Variants in EFCAB8 observed in about 807,000 individuals in gnomAD.
EFCAB8 encodes EF-hand calcium-binding domain-containing protein 8.
In EFCAB8, 100 loss-of-function variants were observed where a neutral mutation model predicts 116.3. That is an observed-to-expected ratio of 0.86 (90% CI 0.73 to 1.02). EFCAB8 has a LOEUF of 1.02. Ranked by LOEUF, EFCAB8 falls within the 50% of genes least tolerant of loss-of-function variation. The pLI is 0.00. For missense variants in EFCAB8, 1,320 were observed against 1,416.9 expected (o/e 0.93, Z 1.10); for synonymous variants, 558 against 567.9 (o/e 0.98, Z 0.25).
intron 24 of EFCAB8, among the ~76,000 whole-genome samples, chr20:32,959,067 A>G (rs2146307529): frequency 6.6e-6 from 1 of 152,322 alleles, no homozygotes; most frequent in Admixed American, 6.5e-5. Flanking sequence ...CCAAGTCTCC[A>G]GTAATTCTGG....
Position 32,889,353 on chromosome 20 carries a change from T to C in EFCAB8, c.620T>C (p.Val207Ala), listed in dbSNP as rs1328411246. Reference protein sequence around the residue: ...YNQPMWVIDMVCLHNMNLVAV... With the variant: ...YNQPMWVIDMACLHNMNLVAV... Reference sequence around the variant, plus strand: ...CAGCCGATGTGGGTCATTGACATGGTATGTCTGCACAATATGAACCTCGTT... The same window carrying C: ...CAGCCGATGTGGGTCATTGACATGGCATGTCTGCACAATATGAACCTCGTT... Residue 207 changes from valine (V) to alanine (A), a missense_variant, in exon 7 of 27, where the codon GTA becomes GCA. By Grantham distance (64) the Val-to-Ala change is moderately conservative (BLOSUM62 0). Transcript: ENST00000400522. 3 of 1,551,846 alleles carry C rather than the reference T, an allele frequency of 1.9e-6. No individual in the cohort carries two copies. The highest frequency in any genetic ancestry group is 2.6e-6 in the Non-Finnish European group (3 of 1,147,032).
intron 20 of EFCAB8, among the ~76,000 whole-genome samples, chr20:32,921,393 T>TGTGTGTGTG (rs752656858): frequency 3.1e-4 from 33 of 107,456 alleles, no homozygotes; most frequent in Non-Finnish European, 3.4e-4. Context: ...GTGTGTGTGT[T>TGTGTGTGTG]TTTGTAGAGA....
intron 5 of EFCAB8, among the ~76,000 whole-genome samples, chr20:32,880,286 T>G (rs1985259257): frequency 6.6e-6 from 1 of 151,076 alleles, no homozygotes; most frequent in Non-Finnish European, 1.5e-5. Flanking sequence ...TTTTTTTTTT[T>G]GAGACAGAGT....
intron 23 of EFCAB8, among the ~76,000 whole-genome samples, chr20:32,945,436 G>T (rs1988563089): frequency 6.6e-6 from 1 of 152,184 alleles, no homozygotes; most frequent in Non-Finnish European, 1.5e-5. Flanking sequence ...GATTATAGGT[G>T]TGGGCCACCA....
At chr20:32,865,077 G>C (rs1296675103) in intron 2 of EFCAB8, among the ~76,000 whole-genome samples, 1 of 152,120 alleles carries the variant, frequency 6.6e-6, no homozygotes, top group East Asian at 1.9e-4. Flanking sequence ...AGAGCTCTGG[G>C]GCTCTGCAGC....
chr20:32,914,278 A>G (rs1361166817), intron 17 of EFCAB8, among the ~76,000 whole-genome samples: 1 of 152,164 alleles, frequency 6.6e-6, no homozygotes, highest in South Asian at 2.1e-4. Context: ...ACTGGTGGCC[A>G]TTCCCTTGAA....
At chr20:32,912,212 G>T (rs1318705959) in intron 16 of EFCAB8, among the ~76,000 whole-genome samples, 1 of 151,984 alleles carries the variant, frequency 6.6e-6, no homozygotes, top group Non-Finnish European at 1.5e-5. Flanking sequence ...CGAGGCAGGG[G>T]GATCACCTGA....
rs71190881 is a variant in EFCAB8, at chr20:32,860,493, C to CTTTTTTTTTTT, written c.-11+1508_-11+1518dup. On this transcript the variant is annotated intron_variant, in intron 1 of 26. Coordinates refer to ENST00000400522, the MANE Select transcript of EFCAB8 (RefSeq NM_001143967.2). ...TTTGTTCCATCGCTGATGGTGGTAA[C>CTTTTTTTTTTT]TTTTTTTTTTTTTTTTTTTTTTTTT... is the stretch of plus-strand genomic sequence containing the variant. Among the ~76,000 whole-genome samples, 18 of 83,990 alleles carry CTTTTTTTTTTT rather than the reference C, an allele frequency of 2.1e-4. 2 individuals are homozygous for CTTTTTTTTTTT. Among genetic ancestry groups the CTTTTTTTTTTT allele is most frequent in the African/African-American group, 1.3e-3 (17 of 12,798 alleles). 55.1% of individuals were successfully genotyped at this position (83,990 alleles called of 152,430 possible). A position where few individuals can be genotyped will look rare whatever the true frequency, so the allele number is the denominator to read the frequency against.
At chr20:32,862,380 G>A (rs1568893559) in intron 1 of EFCAB8, among the ~76,000 whole-genome samples, 4 of 151,814 alleles carry the variant, frequency 2.6e-5, no homozygotes, top group African/African-American at 7.3e-5. Context: ...CTCCCGCCTC[G>A]GCCTATTTTT....
chr20:32,956,959 AT>A (rs139915548), intron 23 of EFCAB8, among the ~76,000 whole-genome samples: 10,445 of 98,132 alleles, frequency 0.11, 326 homozygotes, highest in African/African-American at 0.15. Context: ...TTTTTTTTTC[AT>A]TTTTTTTCAA....
At chr20:32,934,772 G>A (rs1041595641) in intron 22 of EFCAB8, among the ~76,000 whole-genome samples, 2 of 152,150 alleles carry the variant, frequency 1.3e-5, no homozygotes, top group Non-Finnish European at 1.5e-5. Flanking sequence ...CATGTAAGAC[G>A]TGCCTTTGCT....
intron 20 of EFCAB8, among the ~76,000 whole-genome samples, chr20:32,927,261 C>A (rs578012467): frequency 6.6e-6 from 1 of 152,276 alleles, no homozygotes; most frequent in African/African-American, 2.4e-5. Flanking sequence ...TAGCCTTGAG[C>A]TTCATGAACT....
chr20:32,931,237 G>A lies in EFCAB8; in HGVS notation c.2691G>A (p.Gly897=), dbSNP rs914240312. The change falls in exon 22 of 27, where the codon GGG becomes GGA. Residue 897 remains glycine (G), a synonymous_variant. Transcript: ENST00000400522. ...ATAAACAGCCATTCCAATCCAGTGG[G>A]GCCAAGGTTGTCTCTGAAGCACACA... The part of the protein sequence containing the change: ...LIDKQPFQSS[G]AKVVSEAHNK... The A allele has an allele frequency of 3.9e-6, 6 of 1,551,140 alleles. No homozygotes were observed. The highest frequency in any genetic ancestry group is 5.2e-6 in the Non-Finnish European group (6 of 1,146,852).
chr20:32,918,838 G>T (rs778901977), intron 19 of EFCAB8, among the ~76,000 whole-genome samples: 19 of 152,254 alleles, frequency 1.2e-4, no homozygotes, highest in Admixed American at 3.9e-4. Context: ...TGAAAGGCAG[G>T]ACCCAAAGAG....
intron 23 of EFCAB8, among the ~76,000 whole-genome samples, chr20:32,948,795 G>A (rs1240545889): frequency 6.6e-6 from 1 of 152,090 alleles, no homozygotes; most frequent in Non-Finnish European, 1.5e-5. Context: ...AAAATCATTT[G>A]ACAAAATTCA....
At chr20:32,895,260 T>G (rs1048901989) in intron 9 of EFCAB8, among the ~76,000 whole-genome samples, 5 of 152,000 alleles carry the variant, frequency 3.3e-5, no homozygotes, top group African/African-American at 1.2e-4. Context: ...CCATGAGGGC[T>G]GCACCTGGCT....
chr20:32,933,072 C>T (rs980382983), intron 22 of EFCAB8, among the ~76,000 whole-genome samples: 1 of 149,636 alleles, frequency 6.7e-6, no homozygotes, highest in East Asian at 1.9e-4. Flanking sequence ...TATATGCATT[C>T]ATTAATCTCC....
At chr20:32,943,142 C>A (rs1050286160) in intron 22 of EFCAB8, among the ~76,000 whole-genome samples, 3 of 152,206 alleles carry the variant, frequency 2.0e-5, no homozygotes, top group African/African-American at 2.4e-5. Context: ...CTATTCATCT[C>A]CCAATACCCA....
intron 23 of EFCAB8, among the ~76,000 whole-genome samples, chr20:32,953,620 A>G (rs1482199430): frequency 1.3e-5 from 2 of 152,194 alleles, no homozygotes; most frequent in Non-Finnish European, 2.9e-5. Flanking sequence ...GCCATTGTAT[A>G]TCATCTTTGG....
Sources: allele counts gnomAD v4.1 joint callset (sites outside exome capture counted in the v4.1 genomes callset), GRCh38; gene constraint gnomAD v4.1.1; transcripts MANE v1.5; gene names NCBI Gene and HGNC (gene_info 2026-07-23, HGNC 2026-07-21).